Variants in STAT4 observed in about 807,000 individuals in gnomAD.
The protein encoded by STAT4 is signal transducer and activator of transcription 4.
STAT4 carries 42 observed loss-of-function variants against 110.5 expected under a neutral mutation model. That is an observed-to-expected ratio of 0.38 (90% CI 0.30 to 0.49). STAT4 has a LOEUF of 0.49. Among genes scored for constraint, STAT4 ranks in the 20% least tolerant of loss-of-function variants. The pLI is 0.95. For missense variants in STAT4, 632 were observed against 887.9 expected, an observed-to-expected ratio of 0.71 and a Z score of 3.66; for synonymous variants, 284 against 302.2, an observed-to-expected ratio of 0.94 and a Z score of 0.63.
Position 191,033,355 on chromosome 2 carries a change from T to A in STAT4, c.1852+135A>T. The A allele has an allele frequency of 8.4e-7, 1 of 1,196,856 alleles. No homozygotes were observed. The allele number at this position is 1,196,856 out of a possible 1,614,324, so 74.1% of individuals were successfully genotyped here. On this transcript the variant is annotated intron_variant, in intron 20 of 23. Coordinates refer to ENST00000392320, the MANE Select transcript of STAT4 (RefSeq NM_003151.4). The surrounding 1 kb of genome is among the most constrained non-coding windows in gnomAD (Gnocchi z 6.9). ...CATAGGTACCCTGTTCTGAGACAAC[T>A]GCAACTACTAATATTCAAGCCCACT...
intron 3 of STAT4, among the ~76,000 whole-genome samples, chr2:191,114,164 C>T (rs1332233924): frequency 2.0e-5 from 3 of 152,102 alleles, no homozygotes; most frequent in Non-Finnish European, 2.9e-5. Context: ...AAAGCTCAAT[C>T]CTTAAGTGTT....
Position 191,033,153 on chromosome 2 carries a change from G to A in STAT4, c.1853-4C>T. 6.2e-7 allele frequency: 1 copy of A among 1,611,122 alleles called. No individual in the cohort carries two copies. Among genetic ancestry groups the A allele is most frequent in the Non-Finnish European group, 8.5e-7 (1 of 1,178,974 alleles). On this transcript the variant is annotated splice_polypyrimidine_tract_variant and splice_region_variant and intron_variant, in intron 20 of 23. Coordinates refer to ENST00000392320, the MANE Select transcript of STAT4 (RefSeq NM_003151.4). The surrounding 1 kb of genome is among the most constrained non-coding windows in gnomAD (Gnocchi z 6.9). ...ACAGAGTGGAATCTCACTTCCCCTT[G>A]AAAAACAGAAATTGGAGAAATATAC... is the stretch of plus-strand genomic sequence containing the variant.
In STAT4 at chr2:191,042,993, G is replaced by A. The variant is rs916236446; in HGVS notation, c.1252-1845C>T. Among the ~76,000 whole-genome samples the A allele has an allele frequency of 1.3e-5, 2 of 152,158 alleles. No homozygotes were observed. The highest frequency in any genetic ancestry group is 4.8e-5 in the African/African-American group (2 of 41,434). On this transcript the variant is annotated intron_variant, in intron 14 of 23. Coordinates refer to ENST00000392320, the MANE Select transcript of STAT4 (RefSeq NM_003151.4). This position sits in a 1 kb window ranked among gnomAD's most constrained non-coding sequence, Gnocchi z 4.2. ...GGGGTTTCTCCATGTTGGTCAAGCT[G>A]GGCTCGAACTCCCGACCTCAGGTGA...
rs1206026833 is a variant in STAT4 at position 191,146,339 on chromosome 2, A to T, written c.273+274T>A. Among the ~76,000 whole-genome samples, 1 of 152,160 alleles carries T rather than the reference A, an allele frequency of 6.6e-6. No individual in the cohort carries two copies. The highest frequency in any genetic ancestry group is 1.5e-5 in the Non-Finnish European group (1 of 68,008). On this transcript the variant is annotated intron_variant, in intron 3 of 23. Transcript: ENST00000392320. This position sits in a 1 kb window ranked among gnomAD's most constrained non-coding sequence, Gnocchi z 4.5. ...AACTGTGGTCTGGTCAGTGTTGTTG[A>T]ACTGAATCATAGCTAGTAAACAAGA...
intron 6 of STAT4, chr2:191,068,488 C>A (rs1574726065): frequency 6.6e-6 from 1 of 152,020 alleles, no homozygotes; most frequent in Admixed American, 6.6e-5. Context: ...GGAGAAGAAC[C>A]CAAAACATCT....
At chr2:191,069,620 C>G in intron 6 of STAT4, 73 bp downstream of exon 6, 1 of 1,154,494 alleles carries the variant, frequency 8.7e-7, no homozygotes. Context: ...TTTATCCACT[C>G]TGTCAGTGAG....
chr2:191,054,126 C>CAAA (rs1351116378), intron 14 of STAT4, among the ~76,000 whole-genome samples: 7 of 51,770 alleles, frequency 1.4e-4, no homozygotes, highest in African/African-American at 4.4e-4. Flanking sequence ...AGACCCTTCT[C>CAAA]AAAAAAAAAA....
chr2:191,095,310 A>G (rs1246672274), intron 3 of STAT4, among the ~76,000 whole-genome samples: 2 of 152,196 alleles, frequency 1.3e-5, no homozygotes. Flanking sequence ...CAGAATATAC[A>G]TTCTTCTCAG....
rs1310438813 is a variant in STAT4, at chr2:191,032,933, A to C, written c.2044+25T>G. ...TTTCCAAAATCTTAAGGAAAAAAAA[A>C]CAAAAACAAACAGAAAAACCTAACC... On this transcript the variant is annotated intron_variant, in intron 21 of 23. Coordinates refer to ENST00000392320, the MANE Select transcript of STAT4 (RefSeq NM_003151.4). This position sits in a 1 kb window ranked among gnomAD's most constrained non-coding sequence, Gnocchi z 4.9. 2.3e-5 allele frequency: 36 copies of C among 1,574,642 alleles called. No individual in the cohort carries two copies. Among genetic ancestry groups the C allele is most frequent in the Middle Eastern group, 1.7e-4 (1 of 5,850 alleles).
intron 14 of STAT4, among the ~76,000 whole-genome samples, chr2:191,052,436 T>C (rs961393211): frequency 6.6e-6 from 1 of 152,214 alleles, no homozygotes; most frequent in Non-Finnish European, 1.5e-5. Context: ...CTGATACGAC[T>C]GTATGATTTT....
chr2:191,103,911 T>C (rs548524965), intron 3 of STAT4, among the ~76,000 whole-genome samples: 2 of 152,318 alleles, frequency 1.3e-5, no homozygotes, highest in East Asian at 3.9e-4. Context: ...CTACAGTTTT[T>C]TCCCTAGCTT....
intron 3 of STAT4, among the ~76,000 whole-genome samples, chr2:191,126,031 A>T (rs1209642276): frequency 6.6e-6 from 1 of 152,192 alleles, no homozygotes; most frequent in Non-Finnish European, 1.5e-5. Flanking sequence ...AAATTTAGAG[A>T]TCTACTAAGT....
chr2:191,045,758 T>C (rs1696331907), intron 14 of STAT4, among the ~76,000 whole-genome samples: 2 of 152,336 alleles, frequency 1.3e-5, no homozygotes, highest in East Asian at 1.9e-4. Context: ...ATCTTTGTGA[T>C]ACCTTACATT....
chr2:191,064,379 CCTGT>C (rs374545875), intron 8 of STAT4, among the ~76,000 whole-genome samples: 25 of 152,276 alleles, frequency 1.6e-4, no homozygotes, highest in Middle Eastern at 3.4e-3. Flanking sequence ...ACTTATTCCT[CCTGT>C]CTAACTGAAA....
rs182814634 is a variant in STAT4, at chr2:191,149,754, A to G, written c.-2+1193T>C. 4.7e-3 allele frequency among the ~76,000 whole-genome samples: 712 copies of G among 152,330 alleles called. 3 individuals are homozygous for G. Among genetic ancestry groups the G allele is most frequent in the African/African-American group, 0.017 (691 of 41,568 alleles). On this transcript the variant is annotated intron_variant, in intron 1 of 23. Transcript: ENST00000392320. Reference sequence around the variant, plus strand: ...TTGGAACATTTGTTCTCATGCTACTATCAACATTGTCCTATCTATCAATTT... The same window carrying G: ...TTGGAACATTTGTTCTCATGCTACTGTCAACATTGTCCTATCTATCAATTT...
rs1023741888 is a variant in STAT4, at chr2:191,082,805, T to C, written c.274-6480A>G. Among the ~76,000 whole-genome samples, 6 of 152,322 alleles carry C rather than the reference T, an allele frequency of 3.9e-5. No individual in the cohort carries two copies. The highest frequency in any genetic ancestry group is 1.4e-4 in the African/African-American group (6 of 41,596). On this transcript the variant is annotated intron_variant, in intron 3 of 23. Transcript: ENST00000392320. This position sits in a 1 kb window ranked among gnomAD's most constrained non-coding sequence, Gnocchi z 4.7. ...TAGATGTGAGAAGCCCTGTTCAAAA[T>C]AATCTTCTTCATACAGGCGACATGG...
chr2:191,109,479 C>G (rs2125357672), intron 3 of STAT4, among the ~76,000 whole-genome samples: 1 of 152,134 alleles, frequency 6.6e-6, no homozygotes, highest in South Asian at 2.1e-4. Flanking sequence ...TGTAGTCTCC[C>G]TTCAAATAAT....
At chr2:191,057,560 G>A (rs1696732002) in intron 13 of STAT4, among the ~76,000 whole-genome samples, 1 of 146,496 alleles carries the variant, frequency 6.8e-6, no homozygotes, top group Non-Finnish European at 1.5e-5. Context: ...TTATTTCTCA[G>A]CATGGTTCCT....
intron 3 of STAT4, among the ~76,000 whole-genome samples, chr2:191,124,395 C>A (rs894960758): frequency 7.2e-6 from 1 of 139,858 alleles, no homozygotes; most frequent in South Asian, 2.3e-4. Flanking sequence ...AAGGAGGTTG[C>A]AGTGAGCCGA....
Sources: gnomAD v4.1 joint callset for allele counts (sites outside exome capture counted in the v4.1 genomes callset) on GRCh38, gnomAD v4.1.1 for gene constraint, Gnocchi (gnomAD v3.1) non-coding constraint, MANE v1.5 for transcripts, NCBI Gene and HGNC (gene_info 2026-07-23, HGNC 2026-07-21) for gene names.